The following VWA3A variants were observed in gnomAD, a reference collection of about 807,000 sequenced individuals.
VWA3A encodes von Willebrand factor A domain-containing protein 3A.
VWA3A carries 134 observed loss-of-function variants against 160.4 expected under a neutral mutation model. That is an observed-to-expected ratio of 0.84 (90% CI 0.73 to 0.96). VWA3A has a LOEUF of 0.96. Ranked by LOEUF, VWA3A falls within the 40% of genes least tolerant of loss-of-function variation. The pLI is 0.00. For missense variants in VWA3A, 1,310 were observed against 1,447.9 expected, an observed-to-expected ratio of 0.90 and a Z score of 1.55; for synonymous variants, 476 against 543.4, an observed-to-expected ratio of 0.88 and a Z score of 1.72.
chr16:22,141,592 GC>G lies in VWA3A; in HGVS notation c.2396del (p.Pro799GlnfsTer6). 6.2e-7 allele frequency: 1 copy of G among 1,610,750 alleles called. No homozygotes were observed. The highest frequency in any genetic ancestry group is 1.1e-5 in the South Asian group (1 of 90,194). On this transcript the variant is annotated frameshift_variant, in exon 24 of 34. Transcript: ENST00000389398. LOFTEE classifies it high-confidence loss of function. ...CCAAATGTTCCTCAGCTGCGGCCCA[GC>G]CAACGAAAGAAGGGATGATGGAACT... ...RVGISPAAAQ[P>X]TKEGMMELRR...
At position 22,142,670 on chromosome 16, in the gene VWA3A, T is replaced by C. The variant is rs2046172966; in HGVS notation, c.2497T>C (p.Ser833Pro). 2.6e-6 allele frequency: 4 copies of C among 1,562,248 alleles called. No individual in the cohort carries two copies. The highest frequency in any genetic ancestry group is 3.5e-6 in the Non-Finnish European group (4 of 1,152,280). ...TGACCTCACTCTGCTTCTTCTAGGC[T>C]CAGTGTACAAGAAGTACCCTCAAGG... ...FYTEKGNDVG[S>P]VYKKYPQGRG... The change falls in exon 25 of 34, where the codon TCA becomes CCA. Residue 833 changes from serine (S) to proline (P), a missense_variant and splice_region_variant. By Grantham distance (74) the Ser-to-Pro change is moderately conservative. Transcript: ENST00000389398.
At chr16:22,152,694 G>C (rs2046371887) in intron 31 of VWA3A, 60 bp downstream of exon 31, 1 of 1,549,812 alleles carries the variant, frequency 6.5e-7, no homozygotes, top group African/African-American at 1.4e-5. Flanking sequence ...AATATCAACA[G>C]GCATGGGGTT....
chr16:22,118,803 C>T (rs557701348), intron 11 of VWA3A, 99 bp from the exon 12 acceptor site: 752 of 1,519,414 alleles, frequency 4.9e-4, no homozygotes, highest in Non-Finnish European at 6.4e-4. Context: ...GAGTCTGACC[C>T]TCTGCCTGGG....
Position 22,104,501 on chromosome 16 carries a change from C to G in VWA3A, c.483+972C>G, listed in dbSNP as rs146721210. On this transcript the variant is annotated intron_variant, in intron 6 of 33. Transcript: ENST00000389398. ...GAGACTCCCTCTCAAAACAAACAAACGAAAAGAAAACCCACAAAAGTTTGA... is the reference window on the plus strand; with the variant it reads ...GAGACTCCCTCTCAAAACAAACAAAGGAAAAGAAAACCCACAAAAGTTTGA... Among the ~76,000 whole-genome samples the G allele has an allele frequency of 5.8e-3, 882 of 151,484 alleles. 9 individuals are homozygous for G. The highest frequency in any genetic ancestry group is 0.02 in the African/African-American group (827 of 41,270).
chr16:22,132,863 C>T (rs745796870), intron 19 of VWA3A, 37 bp from the exon 20 acceptor site: 95 of 1,589,580 alleles, frequency 6.0e-5, no homozygotes, highest in Non-Finnish European at 7.4e-5. Context: ...TCAAGGCCCT[C>T]AGCTGCTGGC....
chr16:22,138,577 G>A, intron 22 of VWA3A, 65 bp downstream of exon 22: 32 of 1,597,482 alleles, frequency 2.0e-5, no homozygotes, highest in Non-Finnish European at 2.7e-5. Flanking sequence ...GGTCTTTCCT[G>A]GGTCTTAAAA....
rs764694573 is a variant in VWA3A at position 22,126,137 on chromosome 16, A to G, written c.1533-41A>G. ...AATGGAACAAAATAAACATTATCTC[A>G]GAGATTCGGTTCTCCTCTTAAAGCT... On this transcript the variant is annotated intron_variant, in intron 16 of 33. Coordinates refer to ENST00000389398, the MANE Select transcript of VWA3A (RefSeq NM_173615.5). 1.9e-5 allele frequency: 30 copies of G among 1,609,758 alleles called. 1 individual carries two copies. The South Asian group carries it at 2.1e-4, about 11-fold the overall frequency.
chr16:22,136,297 A>G (rs1269306236), intron 21 of VWA3A, among the ~76,000 whole-genome samples: 1 of 152,170 alleles, frequency 6.6e-6, no homozygotes, highest in East Asian at 1.9e-4. Context: ...TGGAGCACCC[A>G]GTAGACAGTG....
intron 11 of VWA3A, among the ~76,000 whole-genome samples, chr16:22,118,501 C>T (rs571571183): frequency 5.4e-4 from 82 of 152,012 alleles, no homozygotes; most frequent in Non-Finnish European, 3.2e-4. Context: ...CTGGCTAACA[C>T]GGTGAAACCC....
At position 22,156,019 on chromosome 16, in the gene VWA3A, T is replaced by C; in HGVS notation, c.*15-13T>C. The C allele has an allele frequency of 7.7e-7, 1 of 1,294,620 alleles. No individual in the cohort carries two copies. The highest frequency in any genetic ancestry group is 2.4e-5 in the East Asian group (1 of 42,012). The allele number at this position is 1,294,620 out of a possible 1,614,324, so 80.2% of individuals were successfully genotyped here. On this transcript the variant is annotated splice_polypyrimidine_tract_variant and intron_variant, in intron 33 of 33. Transcript: ENST00000389398. ...AATAACTTTGGTTAAAAAATAATGA[T>C]TCCTCTAAACAGAAAAGTCATCCTG... is the stretch of plus-strand genomic sequence containing the variant.
chr16:22,124,658 T>C (rs1258521653), intron 16 of VWA3A, among the ~76,000 whole-genome samples: 2 of 151,684 alleles, frequency 1.3e-5, no homozygotes, highest in East Asian at 1.9e-4. Context: ...CCTCCCATCA[T>C]GTTAGGATTG....
intron 28 of VWA3A, among the ~76,000 whole-genome samples, chr16:22,149,545 T>A (rs2046311289): frequency 6.6e-6 from 1 of 152,194 alleles, no homozygotes; most frequent in Non-Finnish European, 1.5e-5. Flanking sequence ...GTGTCTGGCT[T>A]GGGCTGGGAT....
chr16:22,138,697 A>T, intron 22 of VWA3A, 185 bp downstream of exon 22: 5 of 739,108 alleles, frequency 6.8e-6, no homozygotes, highest in Non-Finnish European at 6.2e-6. Context: ...CCGGCTCCTC[A>T]GCTCTCGGGG....
intron 9 of VWA3A, 102 bp downstream of exon 9, chr16:22,115,574 G>A (rs900949341): frequency 4.5e-6 from 6 of 1,324,014 alleles, no homozygotes; most frequent in East Asian, 2.7e-5. Context: ...GCTCATGCCT[G>A]TAATCCCAGC....
intron 22 of VWA3A, among the ~76,000 whole-genome samples, chr16:22,139,519 C>T (rs530779840): frequency 6.6e-6 from 1 of 152,188 alleles, no homozygotes; most frequent in African/African-American, 2.4e-5. Flanking sequence ...CATGGTGAAA[C>T]CCCCTCTCTA....
In VWA3A at chr16:22,149,909, C is replaced by T. The variant is rs775092941; in HGVS notation, c.3107C>T (p.Thr1036Ile). 7 of 1,609,558 alleles carry T rather than the reference C, an allele frequency of 4.3e-6. No individual in the cohort carries two copies. In the South Asian group the frequency reaches 4.4e-5, roughly 10 times the overall value. ...ACCCACCTGCAAGCTCAGGGCAGCACCTCCATCTTGCAAGCATTGCTGGCA... is the reference window on the plus strand; with the variant it reads ...ACCCACCTGCAAGCTCAGGGCAGCATCTCCATCTTGCAAGCATTGCTGGCA... ...WVTHLQAQGS[T>I]SILQALLKAF... Residue 1036 changes from threonine (T) to isoleucine (I), a missense_variant, in exon 29 of 34, where the codon ACC becomes ATC. By Grantham distance (89) the Thr-to-Ile change is moderately conservative (BLOSUM62 -1). Coordinates refer to ENST00000389398, the MANE Select transcript of VWA3A (RefSeq NM_173615.5).
rs561882738 is a variant in VWA3A, at chr16:22,131,329, C to A, written c.1727+50C>A. On this transcript the variant is annotated intron_variant, in intron 18 of 33. Transcript: ENST00000389398. The stretch of plus-strand genomic sequence containing the variant: ...GGGGCTGTGTCTGAGGGAAGGTTTG[C>A]AGGCATTGTTTTCTCTGTCCCCCTC... The A allele has an allele frequency of 7.5e-6, 12 of 1,595,624 alleles. No homozygotes were observed. The African/African-American group carries it at 1.6e-4, about 21-fold the overall frequency.
At chr16:22,103,880 A>C (rs751312763) in intron 6 of VWA3A, among the ~76,000 whole-genome samples, 11 of 152,134 alleles carry the variant, frequency 7.2e-5, no homozygotes, top group Admixed American at 2.0e-4. Context: ...ATTTACACCA[A>C]TCATCATAGC....
At chr16:22,104,672 T>C (rs1002679513) in intron 6 of VWA3A, among the ~76,000 whole-genome samples, 4 of 151,960 alleles carry the variant, frequency 2.6e-5, no homozygotes, top group Non-Finnish European at 4.4e-5. Context: ...AGAGCAAGAC[T>C]TGTCTTTTAA....
Sources: allele counts gnomAD v4.1 joint callset (sites outside exome capture counted in the v4.1 genomes callset), GRCh38; gene constraint gnomAD v4.1.1; transcripts MANE v1.5; gene names NCBI Gene and HGNC (gene_info 2026-07-23, HGNC 2026-07-21).